Variants in MTARC2 observed in about 807,000 individuals in gnomAD.
The protein encoded by MTARC2 is MOCO sulphurase C-terminal domain containing 2.
A neutral mutation model predicts 35.6 loss-of-function variants in MTARC2; 27 were observed. That is an observed-to-expected ratio of 0.76 (90% confidence interval 0.56 to 1.04). The LOEUF is 1.04. MTARC2 is among the 50% of genes least tolerant of loss of function. The probability of loss-of-function intolerance (pLI) is 0.00; values close to 1 mark genes in which losing one functional copy is unlikely to be tolerated. For missense variants in MTARC2, 412 were observed against 432.5 expected (o/e 0.95, Z 0.42); for synonymous variants, 158 against 167.1 (o/e 0.95, Z 0.42).
chr1:220,762,572 T>C (rs1241404240), intron 3 of MTARC2, among the ~76,000 whole-genome samples: 1 of 152,224 alleles, frequency 6.6e-6, no homozygotes, highest in Non-Finnish European at 1.5e-5. Context: ...AGGAAATTAT[T>C]ACTGGAGTAT....
At chr1:220,754,275 A>G (rs966688480) in intron 1 of MTARC2, 44 of 455,312 alleles carry the variant, frequency 9.7e-5, no homozygotes, top group African/African-American at 8.4e-4. Flanking sequence ...ATACAAAGTA[A>G]GAAAACCAAG....
intron 4 of MTARC2, among the ~76,000 whole-genome samples, chr1:220,775,317 C>A (rs1381040406): frequency 6.6e-6 from 1 of 152,164 alleles, no homozygotes; most frequent in Non-Finnish European, 1.5e-5. Flanking sequence ...TTTCTCCTTG[C>A]CTTTTCCTCT....
chr1:220,771,709 A>G, intron 4 of MTARC2, among the ~76,000 whole-genome samples: 1 of 152,096 alleles, frequency 6.6e-6, no homozygotes, highest in Non-Finnish European at 1.5e-5. Flanking sequence ...AAAGAAACGC[A>G]TAAAAATTCC....
In MTARC2 at chr1:220,748,800, A is replaced by T. The variant is rs1572287668; in HGVS notation, c.269A>T (p.Asp90Val). 1 of 1,591,332 alleles carries T rather than the reference A, an allele frequency of 6.3e-7. No individual in the cohort carries two copies. The highest frequency in any genetic ancestry group is 2.3e-5 in the East Asian group (1 of 43,156). The stretch of plus-strand genomic sequence containing the variant: ...GGGCTGCGCAGCGGCAACCTGCGGG[A>T]CAGGTACAGCACAGCGCGGGCGCGG... ...AMGLRSGNLR[D>V]RFWLVIKEDG... is the part of the protein sequence containing the mutation. Residue 90 changes from aspartate (D) to valine (V), a missense_variant, in exon 1 of 8, where the codon GAC becomes GTC. Coordinates refer to ENST00000366913, the MANE Select transcript of MTARC2 (RefSeq NM_017898.5).
intron 4 of MTARC2, among the ~76,000 whole-genome samples, chr1:220,777,123 T>C (rs1671940232): frequency 6.6e-6 from 1 of 152,214 alleles, no homozygotes; most frequent in Non-Finnish European, 1.5e-5. Context: ...TCCTTACACA[T>C]GTTGTGTACA....
At chr1:220,763,922 G>A (rs1279279045) in intron 4 of MTARC2, among the ~76,000 whole-genome samples, 1 of 152,150 alleles carries the variant, frequency 6.6e-6, no homozygotes, top group Non-Finnish European at 1.5e-5. Flanking sequence ...AATGGTGACT[G>A]GCATTAGAAC....
In MTARC2 at chr1:220,761,651, T is replaced by C. The variant is rs975441470; in HGVS notation, c.447-7T>C. ...AGTAACCTGGTGTTCTTTTGTGACCTTTCCAGGATATTTGGCCTTGACATT... is the reference window on the plus strand; with the variant it reads ...AGTAACCTGGTGTTCTTTTGTGACCCTTCCAGGATATTTGGCCTTGACATT... On this transcript the variant is annotated splice_polypyrimidine_tract_variant and splice_region_variant and intron_variant, in intron 2 of 7. Transcript: ENST00000366913. The C allele has an allele frequency of 1.9e-6, 3 of 1,603,852 alleles. No individual in the cohort carries two copies. The highest frequency in any genetic ancestry group is 2.7e-5 in the African/African-American group (2 of 74,244).
intron 4 of MTARC2, among the ~76,000 whole-genome samples, chr1:220,779,203 A>G (rs988424155): frequency 5.9e-5 from 9 of 152,164 alleles, no homozygotes; most frequent in Non-Finnish European, 1.2e-4. Context: ...ATAAAAACAA[A>G]TCATATTATA....
At chr1:220,783,893 A>G in intron 7 of MTARC2, 26 bp from the exon 8 acceptor site, 1 of 717,384 alleles carries the variant, frequency 1.4e-6, no homozygotes, top group Non-Finnish European at 2.6e-6. Flanking sequence ...CAACCAAATA[A>G]CCAGAGATTC....
intron 4 of MTARC2, among the ~76,000 whole-genome samples, chr1:220,775,782 G>T (rs552786629): frequency 1.3e-5 from 2 of 152,248 alleles, no homozygotes; most frequent in South Asian, 2.1e-4. Flanking sequence ...TGTTGTATTT[G>T]GTTTTCTGTT....
chr1:220,770,412 G>T, intron 4 of MTARC2: 1 of 985,392 alleles, frequency 1.0e-6, no homozygotes, highest in African/African-American at 1.7e-5. Context: ...CAGAGACGGT[G>T]GTGCGCGGTA....
rs949651512 is a variant in MTARC2 at position 220,784,674 on chromosome 1, AT to A, written c.*793del. The A allele has an allele frequency of 6.6e-6, 1 of 152,150 alleles. No homozygotes were observed. Among genetic ancestry groups the A allele is most frequent in the African/African-American group, 2.4e-5 (1 of 41,426 alleles). 9.4% of individuals were successfully genotyped at this position (152,150 alleles called of 1,614,324 possible). A position where few individuals can be genotyped will look rare whatever the true frequency, so the allele number is the denominator to read the frequency against. On this transcript the variant is annotated 3_prime_UTR_variant, in exon 8 of 8. Coordinates refer to ENST00000366913, the MANE Select transcript of MTARC2 (RefSeq NM_017898.5). ...GAACATATTTTTTTCAGTGCAAATA[AT>A]TTTTTCGTAACAAAGAAACGAACAA...
chr1:220,758,033 G>A (rs1312342968), intron 2 of MTARC2, among the ~76,000 whole-genome samples: 3 of 152,042 alleles, frequency 2.0e-5, no homozygotes, highest in African/African-American at 4.8e-5. Flanking sequence ...CACCCGGGCT[G>A]GAGTGCAGTG....
At chr1:220,783,708 A>G (rs1464857788) in intron 7 of MTARC2, among the ~76,000 whole-genome samples, 14 of 152,206 alleles carry the variant, frequency 9.2e-5, no homozygotes, top group Admixed American at 9.2e-4. Flanking sequence ...CAGGCACTTT[A>G]TGGATGAGAA....
chr1:220,775,858 T>C (rs544666029), intron 4 of MTARC2, among the ~76,000 whole-genome samples: 2 of 152,354 alleles, frequency 1.3e-5, no homozygotes, highest in East Asian at 3.9e-4. Context: ...GGACATAATC[T>C]GTGTTTTTTT....
At chr1:220,778,967 A>G (rs1671992602) in intron 4 of MTARC2, among the ~76,000 whole-genome samples, 1 of 152,192 alleles carries the variant, frequency 6.6e-6, no homozygotes, top group Non-Finnish European at 1.5e-5. Flanking sequence ...TCTGCATATA[A>G]TGTAAGTGTT....
At position 220,748,848 on chromosome 1, in the gene MTARC2, A is replaced by T. The variant is rs911199512; in HGVS notation, c.272+45A>T. 3.3e-6 allele frequency: 5 copies of T among 1,508,120 alleles called. No individual in the cohort carries two copies. The Admixed American group carries it at 1.1e-4, about 33-fold the overall frequency. The allele number at this position is 1,508,120 out of a possible 1,614,324, so 93.4% of individuals were successfully genotyped here. ...CGGGGCAGCGCGGAGCCTGCCTGGG[A>T]TGAGGAGCGGGGGGGCAGGTGGGGC... is the stretch of plus-strand genomic sequence containing the variant. On this transcript the variant is annotated intron_variant, in intron 1 of 7. Coordinates refer to ENST00000366913, the MANE Select transcript of MTARC2 (RefSeq NM_017898.5).
At chr1:220,783,289 T>C (rs1314759802) in intron 7 of MTARC2, among the ~76,000 whole-genome samples, 1 of 152,208 alleles carries the variant, frequency 6.6e-6, no homozygotes, top group East Asian at 1.9e-4. Context: ...TGAAATACAA[T>C]AAGTATTAAT....
At chr1:220,770,885 A>G (rs1262166660) in intron 4 of MTARC2, among the ~76,000 whole-genome samples, 1 of 152,268 alleles carries the variant, frequency 6.6e-6, no homozygotes, top group Non-Finnish European at 1.5e-5. Flanking sequence ...TGTCCCAGTC[A>G]GTGAATACAC....
Sources: gnomAD v4.1 joint callset for allele counts (sites outside exome capture counted in the v4.1 genomes callset) on GRCh38, gnomAD v4.1.1 for gene constraint, MANE v1.5 for transcripts, NCBI Gene and HGNC (gene_info 2026-07-23, HGNC 2026-07-21) for gene names.